ADGRD1: variants seen among roughly 807,000 people sequenced by gnomAD.
ADGRD1 encodes G-protein coupled receptor 133.
Under a neutral mutation model 113.4 loss-of-function variants are expected in ADGRD1, and 77 were observed. The observed-to-expected ratio is 0.68, with a 90% CI of 0.57 to 0.82. The LOEUF is 0.82. Among genes scored for constraint, ADGRD1 ranks in the 40% least tolerant of loss-of-function variants. The pLI is 0.00. For synonymous variants in ADGRD1, 474 were observed against 475.0 expected (o/e 1.00, Z 0.03); for missense variants, 1,036 against 1,139.1 (o/e 0.91, Z 1.30).
chr12:130,955,145 A>C (rs1302627747), intron 2 of ADGRD1, among the ~76,000 whole-genome samples: 1 of 18,406 alleles, frequency 5.4e-5, no homozygotes, highest in Non-Finnish European at 1.2e-4. Flanking sequence ...TTGTATTTTT[A>C]GTAGAGACAG....
chr12:131,129,674 A>T (rs1950860807), intron 20 of ADGRD1, among the ~76,000 whole-genome samples: 1 of 152,120 alleles, frequency 6.6e-6, no homozygotes, highest in African/African-American at 2.4e-5. Flanking sequence ...GGAAATCTCC[A>T]CTCCCAAAAC....
intron 2 of ADGRD1, among the ~76,000 whole-genome samples, chr12:130,955,406 T>C (rs1386109151): frequency 6.6e-6 from 1 of 152,056 alleles, no homozygotes; most frequent in Non-Finnish European, 1.5e-5. Context: ...CCACCCTTGC[T>C]CCAGCCCCAG....
intron 8 of ADGRD1, among the ~76,000 whole-genome samples, chr12:130,997,147 A>G (rs967791118): frequency 1.6e-5 from 1 of 61,378 alleles, no homozygotes; most frequent in South Asian, 5.8e-4. Context: ...CTGATCCCCC[A>G]CCTCCCTCCC....
At chr12:131,124,376 G>A (rs1182789036) in intron 20 of ADGRD1, among the ~76,000 whole-genome samples, 1 of 152,248 alleles carries the variant, frequency 6.6e-6, no homozygotes, top group Non-Finnish European at 1.5e-5. Context: ...GTTCCCTAAG[G>A]AGAGGTTTGG....
chr12:131,074,897 C>T (rs994019804), intron 13 of ADGRD1, among the ~76,000 whole-genome samples: 6 of 152,324 alleles, frequency 3.9e-5, no homozygotes, highest in South Asian at 2.1e-4. Context: ...GCGGTGGTGG[C>T]TGTTTTCTAC....
chr12:131,091,368 C>T (rs1474262581), intron 15 of ADGRD1, among the ~76,000 whole-genome samples: 2 of 152,176 alleles, frequency 1.3e-5, no homozygotes, highest in South Asian at 2.1e-4. Context: ...ATAAACATAA[C>T]ACTAATGATT....
chr12:131,018,650 C>T lies in ADGRD1; in HGVS notation c.1473+4310C>T, dbSNP rs140973154. The stretch of plus-strand genomic sequence containing the variant: ...GGTGCAAAATAAAATAGAAAAGAGC[C>T]CACCTCCCTGATATGGAGGGTTTTG... On this transcript the variant is annotated intron_variant, in intron 13 of 24. Transcript: ENST00000261654. Among the ~76,000 whole-genome samples the T allele has an allele frequency of 6.2e-3, 948 of 152,328 alleles. 8 individuals carry two copies. The highest frequency in any genetic ancestry group is 0.02 in the African/African-American group (841 of 41,564).
chr12:131,069,590 T>C (rs1004935922), intron 13 of ADGRD1: 1 of 152,388 alleles, frequency 6.6e-6, no homozygotes, highest in Non-Finnish European at 1.5e-5. Flanking sequence ...ATGATCTCAG[T>C]GGAGGCTTCT....
At chr12:131,132,005 A>G (rs1195379211) in intron 21 of ADGRD1, among the ~76,000 whole-genome samples, 189 bp downstream of exon 21, 2 of 152,196 alleles carry the variant, frequency 1.3e-5, no homozygotes, top group East Asian at 3.9e-4. Flanking sequence ...GACCCAGGAC[A>G]GGGCCTTTAC....
intron 20 of ADGRD1, among the ~76,000 whole-genome samples, chr12:131,131,245 C>A (rs7963978): frequency 6.6e-6 from 1 of 152,120 alleles, no homozygotes; most frequent in African/African-American, 2.4e-5. Context: ...GCCCCTCTGC[C>A]GCAGCTTCTG....
chr12:131,003,258 G>A lies in ADGRD1; in HGVS notation c.1100G>A (p.Gly367Asp), dbSNP rs1202698791. ...GGCCATGTATCCTCCAACCTGCACG[G>A]CAGCACGCCCCAGGTCACCGTGGAG... ...VMGHVSSNLH[G>D]STPQVTVEGS... Residue 367 changes from glycine (G) to aspartate (D), a missense_variant, in exon 10 of 25, where the codon GGC becomes GAC. Gly to Asp is a moderately conservative substitution (Grantham distance 94). Coordinates refer to ENST00000261654, the MANE Select transcript of ADGRD1 (RefSeq NM_198827.5). This position sits in a 1 kb window ranked among gnomAD's most constrained non-coding sequence, Gnocchi z 4.8. 1 of 1,614,042 alleles carries A rather than the reference G, an allele frequency of 6.2e-7. No individual in the cohort carries two copies. The highest frequency in any genetic ancestry group is 1.1e-5 in the South Asian group (1 of 91,086).
At chr12:131,135,185 A>G (rs913040373) in intron 21 of ADGRD1, among the ~76,000 whole-genome samples, 2 of 152,192 alleles carry the variant, frequency 1.3e-5, no homozygotes, top group African/African-American at 2.4e-5. Flanking sequence ...GCAGGTGCTA[A>G]CTGGCCCAGG....
chr12:131,093,986 T>C (rs1887096116), intron 15 of ADGRD1, among the ~76,000 whole-genome samples: 2 of 144,258 alleles, frequency 1.4e-5, no homozygotes, highest in African/African-American at 5.2e-5. Context: ...GCACCCAGCC[T>C]CAGCACCCAG....
chr12:131,007,368 C>G (rs1260229439), intron 12 of ADGRD1, among the ~76,000 whole-genome samples: 1 of 152,242 alleles, frequency 6.6e-6, no homozygotes, highest in Non-Finnish European at 1.5e-5. Flanking sequence ...GCTTTATTTA[C>G]AAAACCAGGC....
chr12:130,961,329 T>C, intron 2 of ADGRD1, among the ~76,000 whole-genome samples: 1 of 152,210 alleles, frequency 6.6e-6, no homozygotes, highest in East Asian at 1.9e-4. Flanking sequence ...AAACATTACA[T>C]ATGGATGATA....
intron 13 of ADGRD1, among the ~76,000 whole-genome samples, chr12:131,054,629 C>T (rs1156559365): frequency 1.3e-5 from 2 of 152,172 alleles, no homozygotes; most frequent in African/African-American, 4.8e-5. Context: ...TTTCCCTGTT[C>T]TGGGCGCTTC....
Position 130,969,133 on chromosome 12 carries a change from A to T in ADGRD1, c.188-2325A>T. The T allele has an allele frequency of 1.4e-5, 13 of 939,936 alleles. No individual in the cohort carries two copies. The South Asian group carries it at 1.8e-4, about 13-fold the overall frequency. The allele number at this position is 939,936 out of a possible 1,614,324, so 58.2% of individuals were successfully genotyped here. A position where few individuals can be genotyped will look rare whatever the true frequency, so the allele number is the denominator to read the frequency against. On this transcript the variant is annotated intron_variant, in intron 3 of 24. Coordinates refer to ENST00000261654, the MANE Select transcript of ADGRD1 (RefSeq NM_198827.5). Reference sequence around the variant, plus strand: ...AAGTTTGGATCTACGATGAATTCTAAGGCCAATTCTGTTTGGTAGTATCTG... The same window carrying T: ...AAGTTTGGATCTACGATGAATTCTATGGCCAATTCTGTTTGGTAGTATCTG...
rs1404655290 is a variant in ADGRD1, at chr12:130,984,822, T to TCCC, written c.491-2273_491-2272insCCC. 2.2e-5 allele frequency among the ~76,000 whole-genome samples: 3 copies of TCCC among 136,438 alleles called. No homozygotes were observed. The highest frequency in any genetic ancestry group is 5.4e-5 in the African/African-American group (2 of 37,216). The allele number at this position is 136,438 out of a possible 152,430, so 89.5% of individuals were successfully genotyped here. On this transcript the variant is annotated intron_variant, in intron 5 of 24. Coordinates refer to ENST00000261654, the MANE Select transcript of ADGRD1 (RefSeq NM_198827.5). The surrounding 1 kb of genome is among the most constrained non-coding windows in gnomAD (Gnocchi z 4.1). The stretch of plus-strand genomic sequence containing the variant: ...TTCCCTCCCTCCCTTCCTCCCTCCC[T>TCCC]TCCTTCCTTCCTTCTTGCCTTCCAT...
chr12:131,112,430 A>C (rs936855026), intron 18 of ADGRD1, among the ~76,000 whole-genome samples: 1 of 152,148 alleles, frequency 6.6e-6, no homozygotes, highest in African/African-American at 2.4e-5. Flanking sequence ...TTTTGAGGCC[A>C]GTCTTTGAGG....
Sources: gnomAD v4.1 joint callset for allele counts (sites outside exome capture counted in the v4.1 genomes callset) on GRCh38, gnomAD v4.1.1 for gene constraint, Gnocchi (gnomAD v3.1) non-coding constraint, MANE v1.5 for transcripts, NCBI Gene and HGNC (gene_info 2026-07-23, HGNC 2026-07-21) for gene names.